The following LCT variants were observed in gnomAD, a reference collection of about 807,000 sequenced individuals.
The protein encoded by LCT is lactase/phlorizin hydrolase.
Under a neutral mutation model 173.0 loss-of-function variants are expected in LCT, and 90 were observed. The observed-to-expected ratio is 0.52, with a 90% CI of 0.44 to 0.62. The LOEUF (loss-of-function observed/expected upper bound fraction) is 0.62, where lower values mean the gene tolerates loss of function less well. Ranked by LOEUF, LCT falls within the 20% of genes least tolerant of loss-of-function variation. LCT has a pLI of 0.00. For synonymous variants in LCT, 853 were observed against 957.6 expected (o/e 0.89, Z 2.02); for missense variants, 1,864 against 2,431.4 (o/e 0.77, Z 4.91).
intron 9 of LCT, among the ~76,000 whole-genome samples, chr2:135,805,421 A>G (rs2077663470): frequency 6.6e-6 from 1 of 152,208 alleles, no homozygotes; most frequent in Non-Finnish European, 1.5e-5. Flanking sequence ...TTGCACAGAG[A>G]CAGACGCAGA....
chr2:135,807,757 C>T (rs980971111), intron 8 of LCT, among the ~76,000 whole-genome samples: 16 of 151,102 alleles, frequency 1.1e-4, no homozygotes, highest in African/African-American at 3.4e-4. Flanking sequence ...TGCAGTGAGC[C>T]GAGATCACAC....
At chr2:135,834,961 C>T (rs1033439258) in intron 1 of LCT, among the ~76,000 whole-genome samples, 1 of 151,776 alleles carries the variant, frequency 6.6e-6, no homozygotes, top group Admixed American at 6.6e-5. Flanking sequence ...TATAACTGTT[C>T]GTATAAATGA....
Position 135,804,763 on chromosome 2 carries a change from A to G in LCT, c.4464+4T>C. 1.9e-6 allele frequency: 3 copies of G among 1,612,496 alleles called. No individual in the cohort carries two copies. Among genetic ancestry groups the G allele is most frequent in the East Asian group, 2.2e-5 (1 of 44,892 alleles). On this transcript the variant is annotated splice_donor_region_variant and intron_variant, in intron 10 of 16. Transcript: ENST00000264162. ...TCCCAAGGCCTTGCCAGGACCCACC[A>G]TACCTGGGGCTGGATGCTGGCGGCC...
chr2:135,825,744 A>T (rs1245228267), intron 3 of LCT, among the ~76,000 whole-genome samples: 1 of 152,040 alleles, frequency 6.6e-6, no homozygotes, highest in African/African-American at 2.4e-5. Flanking sequence ...AGGCTCAGAG[A>T]GGGCTGTGCA....
chr2:135,807,046 C>A (rs1408915897), intron 9 of LCT, 82 bp downstream of exon 9: 3 of 1,506,232 alleles, frequency 2.0e-6, no homozygotes, highest in Non-Finnish European at 2.8e-6. Flanking sequence ...GTTCATGCAT[C>A]TGCCCTTCCC....
chr2:135,792,950 G>T (rs1208570013), intron 14 of LCT, among the ~76,000 whole-genome samples: 2 of 152,168 alleles, frequency 1.3e-5, no homozygotes, highest in African/African-American at 4.8e-5. Context: ...AGTGGAAGGG[G>T]AAAGCACCTC....
rs1201926351 is a variant in LCT, at chr2:135,836,015, T to C, written c.640+515A>G. Among the ~76,000 whole-genome samples the C allele has an allele frequency of 1.3e-3, 15 of 11,918 alleles. No individual in the cohort carries two copies. In the Admixed American group the frequency reaches 0.014, roughly 11 times the overall value. 7.8% of individuals were successfully genotyped at this position (11,918 alleles called of 152,430 possible). A position where few individuals can be genotyped will look rare whatever the true frequency, so the allele number is the denominator to read the frequency against. On this transcript the variant is annotated intron_variant, in intron 1 of 16. Coordinates refer to ENST00000264162, the MANE Select transcript of LCT (RefSeq NM_002299.4). Reference sequence around the variant, plus strand: ...ATATATATATATATATATATATATATGTATACATATTTTTTTTTTTTGAGA... The same window carrying C: ...ATATATATATATATATATATATATACGTATACATATTTTTTTTTTTTGAGA...
chr2:135,796,173 A>G (rs2077580224), intron 13 of LCT, among the ~76,000 whole-genome samples: 1 of 152,262 alleles, frequency 6.6e-6, no homozygotes, highest in South Asian at 2.1e-4. Flanking sequence ...ATGCATGCGC[A>G]TGCCCACAGG....
rs561418595 is a variant in LCT at position 135,819,099 on chromosome 2, A to C, written c.987-1038T>G. Among the ~76,000 whole-genome samples the C allele has an allele frequency of 2.0e-5, 3 of 152,346 alleles. No homozygotes were observed. The South Asian group carries it at 6.2e-4, about 32-fold the overall frequency. On this transcript the variant is annotated intron_variant, in intron 5 of 16. Coordinates refer to ENST00000264162, the MANE Select transcript of LCT (RefSeq NM_002299.4). ...GTGATTATGAGTAACTTCTCCTTGCACACAGCTTGCAGGTGGTGGAGCAGA... is the reference window on the plus strand; with the variant it reads ...GTGATTATGAGTAACTTCTCCTTGCCCACAGCTTGCAGGTGGTGGAGCAGA...
Position 135,790,671 on chromosome 2 carries a change from A to G in LCT, c.5322T>C (p.Asn1774=), listed in dbSNP as rs1168101693. The G allele has an allele frequency of 6.2e-7, 1 of 1,610,952 alleles. No individual in the cohort carries two copies. Among genetic ancestry groups the G allele is most frequent in the Non-Finnish European group, 8.5e-7 (1 of 1,178,264 alleles). ...GGCCCGTCGTACCTTTGAGGGCCTC[A>G]TTGATGTAAGTCCGAAGGTAGTAGA... The part of the protein sequence containing the change: ...ARIYYLRTYI[N]EALKAVQDKV... The change falls in exon 15 of 17, where the codon AAT becomes AAC. Residue 1774 remains asparagine, a synonymous_variant. Coordinates refer to ENST00000264162, the MANE Select transcript of LCT (RefSeq NM_002299.4). This position sits in a 1 kb window ranked among gnomAD's most constrained non-coding sequence, Gnocchi z 4.1.
intron 9 of LCT, among the ~76,000 whole-genome samples, 154 bp from the exon 10 acceptor site, chr2:135,805,211 G>A (rs575138357): frequency 1.7e-4 from 26 of 152,240 alleles, no homozygotes; most frequent in Admixed American, 1.2e-3. Context: ...GGTGGCTCAC[G>A]CCGGCAACCC....
In LCT at chr2:135,834,507, G is replaced by C. The variant is rs2077968468; in HGVS notation, c.641-1317C>G. ...GCCTTATTTTATTTTTTTGTTTAAG[G>C]CCGGGCGTGGTGGCTCACGCCTGTA... On this transcript the variant is annotated intron_variant, in intron 1 of 16. Coordinates refer to ENST00000264162, the MANE Select transcript of LCT (RefSeq NM_002299.4). 2.1e-5 allele frequency among the ~76,000 whole-genome samples: 3 copies of C among 146,272 alleles called. No homozygotes were observed. In the South Asian group the frequency reaches 6.5e-4, roughly 32 times the overall value.
At position 135,832,130 on chromosome 2, in the gene LCT, C is replaced by T. The variant is rs539830301; in HGVS notation, c.720+981G>A. On this transcript the variant is annotated intron_variant, in intron 2 of 16. Transcript: ENST00000264162. ...ACTTGGGAGGCTGAGGCAGGAGAAT[C>T]ACTTGAATCCAGGGTGTAGAGGTTG... is the stretch of plus-strand genomic sequence containing the variant. Among the ~76,000 whole-genome samples, 36 of 152,006 alleles carry T rather than the reference C, an allele frequency of 2.4e-4. No individual in the cohort carries two copies. In the East Asian group the frequency reaches 3.1e-3, roughly 13 times the overall value.
At position 135,788,595 on chromosome 2, in the gene LCT, C is replaced by T. The variant is rs773882462; in HGVS notation, c.5564-51G>A. On this transcript the variant is annotated intron_variant, in intron 16 of 16. Transcript: ENST00000264162. ...TGGTGCTCTGGCGCTGATTTGAGTT[C>T]TCAGATCTCTGAGACCCCAGCAGAG... 13 of 1,180,282 alleles carry T rather than the reference C, an allele frequency of 1.1e-5. No homozygotes were observed. In the Admixed American group the frequency reaches 1.3e-4, roughly 12 times the overall value. 73.1% of individuals were successfully genotyped at this position (1,180,282 alleles called of 1,614,324 possible).
At chr2:135,826,870 C>A (rs2077893335) in intron 3 of LCT, among the ~76,000 whole-genome samples, 1 of 152,210 alleles carries the variant, frequency 6.6e-6, no homozygotes, top group South Asian at 2.1e-4. Flanking sequence ...GGGCAGCAAG[C>A]AAGTTTAGGT....
At chr2:135,835,980 AT>A (rs1679340867) in intron 1 of LCT, among the ~76,000 whole-genome samples, 1 of 17,370 alleles carries the variant, frequency 5.8e-5, no homozygotes, top group Non-Finnish European at 2.4e-4. Flanking sequence ...ATGTGTGTAT[AT>A]ATATATATAT....
At chr2:135,791,163 C>G (rs1042772860) in intron 14 of LCT, among the ~76,000 whole-genome samples, 1 of 152,214 alleles carries the variant, frequency 6.6e-6, no homozygotes, top group African/African-American at 2.4e-5. Flanking sequence ...GGAGCCCAGC[C>G]CTCCACTACT....
At chr2:135,792,928 G>A (rs141865460) in intron 14 of LCT, among the ~76,000 whole-genome samples, 208 of 152,204 alleles carry the variant, frequency 1.4e-3, no homozygotes, top group African/African-American at 4.7e-3. Flanking sequence ...TTCTACTACC[G>A]CAGCTGGTGG....
chr2:135,834,027 T>C (rs529302793), intron 1 of LCT, among the ~76,000 whole-genome samples: 8 of 152,330 alleles, frequency 5.3e-5, no homozygotes, highest in African/African-American at 1.9e-4. Context: ...TTCATCCATG[T>C]TGTAGCATGT....
Sources: allele counts gnomAD v4.1 joint callset (sites outside exome capture counted in the v4.1 genomes callset), GRCh38; gene constraint gnomAD v4.1.1; non-coding constraint Gnocchi (gnomAD v3.1); transcripts MANE v1.5; gene names NCBI Gene and HGNC (gene_info 2026-07-23, HGNC 2026-07-21).